The following DNAJC10 variants were observed in gnomAD, a reference collection of about 807,000 sequenced individuals.
DNAJC10 encodes endoplasmic reticulum disulfide reductase DNAJC10.
A neutral mutation model predicts 115.0 loss-of-function variants in DNAJC10; 101 were observed. That is an observed-to-expected ratio of 0.88 (90% confidence interval 0.75 to 1.04). DNAJC10 has a LOEUF of 1.04. Among genes scored for constraint, DNAJC10 ranks in the 50% least tolerant of loss-of-function variants. The pLI is 0.00. For missense variants in DNAJC10, 981 were observed against 928.8 expected (o/e 1.06, Z -0.73); for synonymous variants, 307 against 301.5 (o/e 1.02, Z -0.19).
chr2:182,777,109 T>G lies in DNAJC10; in HGVS notation c.2371-12T>G. ...TTCTCCTTTCTCTATCGCCTTTACA[T>G]TATTATTATAGGATGAACTTTGATA... On this transcript the variant is annotated splice_polypyrimidine_tract_variant and intron_variant, in intron 23 of 23. Coordinates refer to ENST00000264065, the MANE Select transcript of DNAJC10 (RefSeq NM_018981.4). 1.4e-6 allele frequency: 2 copies of G among 1,401,500 alleles called. No individual in the cohort carries two copies. The highest frequency in any genetic ancestry group is 1.9e-6 in the Non-Finnish European group (2 of 1,043,610). The allele number at this position is 1,401,500 out of a possible 1,614,324, so 86.8% of individuals were successfully genotyped here.
intron 21 of DNAJC10, among the ~76,000 whole-genome samples, chr2:182,759,735 A>G (rs1209471002): frequency 6.6e-6 from 1 of 151,868 alleles, no homozygotes; most frequent in Non-Finnish European, 1.5e-5. Flanking sequence ...ACTTAACCAT[A>G]TTTGCCTTTT....
intron 16 of DNAJC10, among the ~76,000 whole-genome samples, chr2:182,754,294 G>T (rs1694102524): frequency 6.6e-6 from 1 of 152,172 alleles, no homozygotes; most frequent in Non-Finnish European, 1.5e-5. Flanking sequence ...CCTGGTCAAA[G>T]ATTCCAGTTT....
intron 16 of DNAJC10, chr2:182,752,542 T>G (rs1240773409): frequency 1.1e-6 from 1 of 889,544 alleles, no homozygotes; most frequent in Non-Finnish European, 1.3e-6. Context: ...TTCTTCATAC[T>G]TCTAAGTATA....
At chr2:182,729,155 A>ATT (rs112024053) in intron 7 of DNAJC10, 161 bp downstream of exon 7, 45 of 643,446 alleles carry the variant, frequency 7.0e-5, no homozygotes, top group Middle Eastern at 4.9e-4. Flanking sequence ...TGGATTATGA[A>ATT]TTTTTTTTTT....
Position 182,782,652 on chromosome 2 carries a change from C to T in DNAJC10, c.*5520C>T, listed in dbSNP as rs557543490. Reference sequence around the variant, plus strand: ...CTTCACGTCCCTTGTAAGTTGTATTCCTAGGTATTTAATTCTCTTTGTAGC... The same window carrying T: ...CTTCACGTCCCTTGTAAGTTGTATTTCTAGGTATTTAATTCTCTTTGTAGC... On this transcript the variant is annotated 3_prime_UTR_variant, in exon 24 of 24. Transcript: ENST00000264065. 1 of 152,192 alleles carries T rather than the reference C, an allele frequency of 6.6e-6. No homozygotes were observed. The highest frequency in any genetic ancestry group is 2.4e-5 in the African/African-American group (1 of 41,518). The allele number at this position is 152,192 out of a possible 1,614,324, so 9.4% of individuals were successfully genotyped here.
At position 182,792,008 on chromosome 2, in the gene DNAJC10, A is replaced by G. The variant is rs905050688; in HGVS notation, c.*14876A>G. ...GAATTGGATCCTGAAACACCTTATA[A>G]GTTCAGTCCTGTTGATTAGTATGTT... On this transcript the variant is annotated 3_prime_UTR_variant, in exon 24 of 24. Coordinates refer to ENST00000264065, the MANE Select transcript of DNAJC10 (RefSeq NM_018981.4). The G allele has an allele frequency of 2.6e-5, 4 of 152,188 alleles. No homozygotes were observed. Among genetic ancestry groups the G allele is most frequent in the African/African-American group, 9.6e-5 (4 of 41,460 alleles). 9.4% of individuals were successfully genotyped at this position (152,188 alleles called of 1,614,324 possible). A position where few individuals can be genotyped will look rare whatever the true frequency, so the allele number is the denominator to read the frequency against.
chr2:182,733,582 CTT>C (rs1442834681), intron 10 of DNAJC10, among the ~76,000 whole-genome samples: 2 of 151,276 alleles, frequency 1.3e-5, no homozygotes, highest in South Asian at 2.1e-4. Flanking sequence ...AGTCTGTGCA[CTT>C]TTAGCATCAA....
At position 182,781,041 on chromosome 2, in the gene DNAJC10, A is replaced by G. The variant is rs996999558; in HGVS notation, c.*3909A>G. Reference sequence around the variant, plus strand: ...ATGCAGGTTTGTTACATAGGTATACATGTGCCATGGTGGTTTGCTGCACCC... The same window carrying G: ...ATGCAGGTTTGTTACATAGGTATACGTGTGCCATGGTGGTTTGCTGCACCC... On this transcript the variant is annotated 3_prime_UTR_variant, in exon 24 of 24. Transcript: ENST00000264065. 1.3e-5 allele frequency: 2 copies of G among 151,970 alleles called. No homozygotes were observed. Among genetic ancestry groups the G allele is most frequent in the Non-Finnish European group, 2.9e-5 (2 of 68,010 alleles). 9.4% of individuals were successfully genotyped at this position (151,970 alleles called of 1,614,324 possible).
In DNAJC10 at chr2:182,718,166, C is replaced by T. The variant is rs1317159523; in HGVS notation, c.80C>T (p.Ala27Val). 1 of 1,613,154 alleles carries T rather than the reference C, an allele frequency of 6.2e-7. No individual in the cohort carries two copies. Among genetic ancestry groups the T allele is most frequent in the African/African-American group, 1.3e-5 (1 of 74,848 alleles). Residue 27 changes from alanine to valine, a missense_variant, in exon 3 of 24, where the codon GCC (alanine) becomes GTC (valine). Coordinates refer to ENST00000264065, the MANE Select transcript of DNAJC10 (RefSeq NM_018981.4). ...CTCTGTTTTCTGATAGTGTATATGG[C>T]CATTTTAGTGGGCACAGATCAGGAT... ...IILCFLIVYMAILVGTDQDFY... is the reference protein window; with the variant it reads ...IILCFLIVYMVILVGTDQDFY...
chr2:182,745,406 G>C (rs935191822), intron 14 of DNAJC10, among the ~76,000 whole-genome samples: 1 of 152,184 alleles, frequency 6.6e-6, no homozygotes, highest in African/African-American at 2.4e-5. Context: ...ACTCCTTCCT[G>C]TTCCACAGAA....
At chr2:182,758,148 T>C (rs1445463598) in intron 19 of DNAJC10, among the ~76,000 whole-genome samples, 1 of 152,202 alleles carries the variant, frequency 6.6e-6, no homozygotes, top group Non-Finnish European at 1.5e-5. Flanking sequence ...ACATATGCTC[T>C]GTGAACTAGG....
chr2:182,720,580 C>T (rs1693125341), intron 4 of DNAJC10, among the ~76,000 whole-genome samples: 1 of 152,064 alleles, frequency 6.6e-6, no homozygotes, highest in African/African-American at 2.4e-5. Context: ...TCAGCAGTAA[C>T]ATGCTGTACA....
chr2:182,740,475 T>G, intron 12 of DNAJC10, 87 bp downstream of exon 12: 3 of 1,288,034 alleles, frequency 2.3e-6, no homozygotes, highest in Non-Finnish European at 3.2e-6. Context: ...TTTGTTTTAT[T>G]CATCTCTAGA....
At chr2:182,746,671 T>A (rs1693876350) in intron 14 of DNAJC10, among the ~76,000 whole-genome samples, 3 of 152,208 alleles carry the variant, frequency 2.0e-5, no homozygotes, top group Admixed American at 2.0e-4. Flanking sequence ...TTTCTGCCAT[T>A]CTTTAGGTTG....
In DNAJC10 at chr2:182,787,520, T is replaced by C. The variant is rs1200828585; in HGVS notation, c.*10388T>C. On this transcript the variant is annotated 3_prime_UTR_variant, in exon 24 of 24. Coordinates refer to ENST00000264065, the MANE Select transcript of DNAJC10 (RefSeq NM_018981.4). ...CTTTAAGTCTTTGCAGGATTACCACTGAAAGTTCACATGCTTGGTTAGCAG... is the reference window on the plus strand; with the variant it reads ...CTTTAAGTCTTTGCAGGATTACCACCGAAAGTTCACATGCTTGGTTAGCAG... The C allele has an allele frequency of 6.6e-6, 1 of 152,220 alleles. No individual in the cohort carries two copies. Among genetic ancestry groups the C allele is most frequent in the Non-Finnish European group, 1.5e-5 (1 of 68,048 alleles). The allele number at this position is 152,220 out of a possible 1,614,324, so 9.4% of individuals were successfully genotyped here.
Position 182,759,290 on chromosome 2 carries a change from T to A in DNAJC10, c.2128T>A (p.Phe710Ile). ...ACCTTGCCAGAATTTTGCTCCAGAA[T>A]TTGAGCTCTTGGCTAGGGTAAGTCA... ...CGPCQNFAPE[F>I]ELLARMIKGK... is the part of the protein sequence containing the mutation. Residue 710 changes from phenylalanine (F) to isoleucine (I), a missense_variant, in exon 21 of 24, where the codon TTT becomes ATT. Coordinates refer to ENST00000264065, the MANE Select transcript of DNAJC10 (RefSeq NM_018981.4). 2 of 1,610,112 alleles carry A rather than the reference T, an allele frequency of 1.2e-6. No individual in the cohort carries two copies. Among genetic ancestry groups the A allele is most frequent in the Non-Finnish European group, 1.7e-6 (2 of 1,179,140 alleles).
Position 182,741,269 on chromosome 2 carries a change from GT to G in DNAJC10, c.1106del (p.Leu369TyrfsTer16). 6.2e-7 allele frequency: 1 copy of G among 1,603,680 alleles called. No individual in the cohort carries two copies. Among genetic ancestry groups the G allele is most frequent in the Non-Finnish European group, 8.5e-7 (1 of 1,176,288 alleles). The stretch of plus-strand genomic sequence containing the variant: ...ATCGTTTGGCTCATCATCGGTGGCT[GT>G]TATTTTTTCATTTTGGAAAAAATGA... ...EDRLAHHRWL[L>X]FFHFGKNENS... On this transcript the variant is annotated frameshift_variant, in exon 13 of 24. Coordinates refer to ENST00000264065, the MANE Select transcript of DNAJC10 (RefSeq NM_018981.4). LOFTEE classifies it high-confidence loss of function.
intron 10 of DNAJC10, 119 bp from the exon 11 acceptor site, chr2:182,736,130 A>G (rs1200942267): frequency 5.0e-6 from 4 of 800,100 alleles, no homozygotes; most frequent in African/African-American, 1.8e-5. Context: ...TGTAGAACTA[A>G]GGCATGAAGT....
intron 22 of DNAJC10, among the ~76,000 whole-genome samples, chr2:182,774,926 C>T (rs1176010322): frequency 1.3e-5 from 2 of 152,250 alleles, no homozygotes; most frequent in Admixed American, 6.5e-5. Context: ...GTGCAGAAAT[C>T]ACCTGTCTTC....
Sources: gnomAD v4.1 joint callset for allele counts (sites outside exome capture counted in the v4.1 genomes callset) on GRCh38, gnomAD v4.1.1 for gene constraint, MANE v1.5 for transcripts, NCBI Gene and HGNC (gene_info 2026-07-23, HGNC 2026-07-21) for gene names.